Variants in KLC1 observed in about 807,000 individuals in gnomAD.
KLC1 encodes the protein kinesin 2 60/70kDa.
Under a neutral mutation model 84.2 loss-of-function variants are expected in KLC1, and 30 were observed. That is an observed-to-expected ratio of 0.36 (90% confidence interval 0.27 to 0.48). The LOEUF (loss-of-function observed/expected upper bound fraction) is 0.48. Ranked by LOEUF, KLC1 falls within the 20% of genes least tolerant of loss-of-function variation. The pLI, the probability that KLC1 is intolerant of heterozygous loss-of-function variation, is 0.99. For missense variants in KLC1, 499 were observed against 805.4 expected (o/e 0.62, Z 4.60); for synonymous variants, 289 against 293.3 (o/e 0.99, Z 0.15).
chr14:103,630,075 T>C (rs1413843703), intron 1 of KLC1, among the ~76,000 whole-genome samples: 2 of 152,240 alleles, frequency 1.3e-5, no homozygotes, highest in Non-Finnish European at 2.9e-5. Context: ...GAGAGCTGGC[T>C]CCGCTTTGCC....
intron 5 of KLC1, among the ~76,000 whole-genome samples, chr14:103,665,088 T>A (rs1245795325): frequency 6.6e-6 from 1 of 152,154 alleles, no homozygotes; most frequent in Admixed American, 6.5e-5. Context: ...ACATATGTAT[T>A]CATATTCAGT....
chr14:103,685,120 A>G, intron 13 of KLC1: 1 of 1,497,174 alleles, frequency 6.7e-7, no homozygotes, highest in Non-Finnish European at 8.9e-7. Context: ...AGGACCCAGG[A>G]CGCATTGCTG....
Position 103,694,225 on chromosome 14 carries a change from G to A in KLC1, c.1848+1800G>A, listed in dbSNP as rs1367325166. 12 of 983,638 alleles carry A rather than the reference G, an allele frequency of 1.2e-5. No individual in the cohort carries two copies. Among genetic ancestry groups the A allele is most frequent in the African/African-American group, 3.5e-5 (2 of 56,794 alleles). The allele number at this position is 983,638 out of a possible 1,614,324, so 60.9% of individuals were successfully genotyped here. On this transcript the variant is annotated intron_variant, in intron 15 of 16. Coordinates refer to ENST00000334553, the MANE Select transcript of KLC1 (RefSeq NM_001394837.1). This position sits in a 1 kb window ranked among gnomAD's most constrained non-coding sequence, Gnocchi z 4.5. The stretch of plus-strand genomic sequence containing the variant: ...TGTTCTCCCGGACGCCCCTGCACAC[G>A]AAGCCCATAGAGACGTGTGTTTCAC...
Position 103,687,170 on chromosome 14 carries a change from G to A in KLC1, c.1740G>A (p.Leu580=). 1 of 1,548,944 alleles carries A rather than the reference G, an allele frequency of 6.5e-7. No individual in the cohort carries two copies. The highest frequency in any genetic ancestry group is 8.7e-7 in the Non-Finnish European group (1 of 1,145,148). The change falls in exon 14 of 17, where the codon CTG becomes CTA. Residue 580 remains leucine, a synonymous_variant. Transcript: ENST00000334553. ...RRSSEKLVRK[L]KGGSSRESEP... ...GCAGTGAGAAGCTGGTTAGGAAGCTGAAGGGAGGAAGTTCACGAGAGAGTG... is the reference window on the plus strand; with the variant it reads ...GCAGTGAGAAGCTGGTTAGGAAGCTAAAGGGAGGAAGTTCACGAGAGAGTG...
intron 1 of KLC1, among the ~76,000 whole-genome samples, chr14:103,638,656 ATTTTTTT>A (rs57470429): frequency 1.0e-5 from 1 of 100,118 alleles, no homozygotes; most frequent in Non-Finnish European, 2.0e-5. Context: ...CATTTCATTA[ATTTTTTT>A]TTTTTTTTTT....
intron 9 of KLC1, among the ~76,000 whole-genome samples, chr14:103,674,575 C>T (rs182250433): frequency 3.3e-5 from 5 of 152,002 alleles, no homozygotes; most frequent in East Asian, 1.9e-4. Flanking sequence ...CCACCACGCC[C>T]GGCTAATTTT....
chr14:103,647,984 C>G (rs936260374), intron 1 of KLC1, among the ~76,000 whole-genome samples: 2 of 151,452 alleles, frequency 1.3e-5, no homozygotes, highest in Admixed American at 1.3e-4. Context: ...CGGAGTCTCG[C>G]TCTTTTGGCA....
chr14:103,636,223 ATT>A (rs2077035073), intron 1 of KLC1, among the ~76,000 whole-genome samples: 2 of 151,572 alleles, frequency 1.3e-5, no homozygotes, highest in Non-Finnish European at 2.9e-5. Flanking sequence ...TCAATACTTT[ATT>A]TTTTATTTTT....
chr14:103,643,631 A>G (rs2077661249), intron 1 of KLC1, among the ~76,000 whole-genome samples: 1 of 152,220 alleles, frequency 6.6e-6, no homozygotes, highest in African/African-American at 2.4e-5. Flanking sequence ...GATACATTTA[A>G]GAAATACATT....
intron 5 of KLC1, among the ~76,000 whole-genome samples, chr14:103,663,474 G>A (rs566871949): frequency 1.3e-5 from 2 of 152,248 alleles, no homozygotes; most frequent in African/African-American, 4.8e-5. Context: ...AGACCACAGT[G>A]TACCCCTAAC....
chr14:103,646,838 C>T (rs1256520491), intron 1 of KLC1, among the ~76,000 whole-genome samples: 1 of 151,974 alleles, frequency 6.6e-6, no homozygotes, highest in Non-Finnish European at 1.5e-5. Context: ...TCTTGAATTC[C>T]TGGGTTCAAG....
Position 103,679,398 on chromosome 14 carries a change from T to G in KLC1, c.1503T>G (p.Val501=), listed in dbSNP as rs990031242. 6.2e-7 allele frequency: 1 copy of G among 1,614,040 alleles called. No individual in the cohort carries two copies. Among genetic ancestry groups the G allele is most frequent in the East Asian group, 2.2e-5 (1 of 44,880 alleles). The part of the protein sequence containing the change: ...MRSRKQGLDN[V]HKQRVAEVLN... ...CTGGCTCACAGGGTCTTGACAATGT[T>G]CACAAACAGAGGGTGGCAGAAGTGC... The change falls in exon 13 of 17, where the codon GTT becomes GTG. Residue 501 remains valine (V), a synonymous_variant. Coordinates refer to ENST00000334553, the MANE Select transcript of KLC1 (RefSeq NM_001394837.1).
intron 5 of KLC1, among the ~76,000 whole-genome samples, chr14:103,663,434 C>T (rs190705269): frequency 6.6e-6 from 1 of 152,262 alleles, no homozygotes; most frequent in Non-Finnish European, 1.5e-5. Context: ...AGATGCTGCC[C>T]GTGACCACTC....
rs2077464018 is a variant in KLC1 at position 103,641,219 on chromosome 14, A to G, written c.-2+11725A>G. 2.0e-5 allele frequency among the ~76,000 whole-genome samples: 3 copies of G among 152,254 alleles called. No homozygotes were observed. The South Asian group carries it at 6.2e-4, about 32-fold the overall frequency. On this transcript the variant is annotated intron_variant, in intron 1 of 16. Coordinates refer to ENST00000334553, the MANE Select transcript of KLC1 (RefSeq NM_001394837.1). ...ATCACAGGTGTGAGTCACTGTGCCC[A>G]GCCTGGTACATTATTATTAACTGAA...
intron 7 of KLC1, among the ~76,000 whole-genome samples, 159 bp from the exon 8 acceptor site, chr14:103,672,855 T>C (rs1293185686): frequency 6.6e-6 from 1 of 152,222 alleles, no homozygotes; most frequent in East Asian, 1.9e-4. Context: ...TCTGGTTATT[T>C]TATTACTACG....
chr14:103,683,994 A>G (rs1342922785), intron 13 of KLC1: 1 of 152,202 alleles, frequency 6.6e-6, no homozygotes, highest in African/African-American at 2.4e-5. Context: ...CCTGGCCAAC[A>G]TGGCGAAAAC....
intron 5 of KLC1, among the ~76,000 whole-genome samples, chr14:103,666,204 C>A (rs920785337): frequency 6.6e-6 from 1 of 152,096 alleles, no homozygotes; most frequent in African/African-American, 2.4e-5. Flanking sequence ...GCTGGGACTA[C>A]AGGCGCCTGC....
chr14:103,658,746 C>T (rs541797113), intron 3 of KLC1, among the ~76,000 whole-genome samples: 38 of 151,136 alleles, frequency 2.5e-4, no homozygotes, highest in Admixed American at 1.3e-3. Flanking sequence ...CAACCTCCAC[C>T]TCCCGGGCTC....
chr14:103,692,974 C>A (rs1284328201), intron 15 of KLC1, among the ~76,000 whole-genome samples: 1 of 152,200 alleles, frequency 6.6e-6, no homozygotes, highest in Non-Finnish European at 1.5e-5. Flanking sequence ...ATCACGGAGG[C>A]CGTTTGAGTT....
Sources: allele counts gnomAD v4.1 joint callset (sites outside exome capture counted in the v4.1 genomes callset), GRCh38; gene constraint gnomAD v4.1.1; non-coding constraint Gnocchi (gnomAD v3.1); transcripts MANE v1.5; gene names NCBI Gene and HGNC (gene_info 2026-07-23, HGNC 2026-07-21).